The following SMC2 variants were observed in gnomAD, a reference collection of about 807,000 sequenced individuals.
SMC2 encodes structural maintenance of chromosomes 2, also known as structural maintenance of chromosomes protein 2.
In SMC2, 41 loss-of-function variants were observed where a neutral mutation model predicts 142.6. The ratio of observed to expected loss-of-function variants is 0.29; its 90% CI spans 0.22 to 0.37. The LOEUF (loss-of-function observed/expected upper bound fraction) is 0.37. Among genes scored for constraint, SMC2 ranks in the 10% least tolerant of loss-of-function variants. The pLI, the probability that SMC2 is intolerant of heterozygous loss-of-function variation, is 1.00. For synonymous variants in SMC2, 463 were observed against 457.5 expected (o/e 1.01, Z -0.15); for missense variants, 1,265 against 1,373.7 (o/e 0.92, Z 1.25).
Position 104,124,952 on chromosome 9 carries a change from A to G in SMC2, c.2298A>G (p.Gln766=). The change falls in exon 18 of 25, where the codon CAA becomes CAG. Residue 766 remains glutamine (Q), a synonymous_variant. Coordinates refer to ENST00000374793, the MANE Select transcript of SMC2 (RefSeq NM_006444.3). ...CTTTGAAAAACACTAAAGAAATCCA[A>G]AGAAAAGCAGAAGAAAAATATGAAG... ...EETLKNTKEI[Q]RKAEEKYEVL... The G allele has an allele frequency of 6.3e-7, 1 of 1,596,930 alleles. No individual in the cohort carries two copies. Among genetic ancestry groups the G allele is most frequent in the Non-Finnish European group, 8.5e-7 (1 of 1,176,160 alleles).
At position 104,096,294 on chromosome 9, in the gene SMC2, G is replaced by A; in HGVS notation, c.315G>A (p.Arg105=). 1 of 1,613,944 alleles carries A rather than the reference G, an allele frequency of 6.2e-7. No homozygotes were observed. ...FEVHDEITVT[R]QVVIGGRNKY... is the part of the protein sequence containing the mutation. ...TTCATGATGAAATCACAGTAACAAG[G>A]CAGGTGAGTGGCAATTAAACCTTTG... Residue 105 remains arginine, a synonymous_variant, in exon 3 of 25, where the codon AGG becomes AGA. Transcript: ENST00000374793.
chr9:104,113,200 A>T, intron 10 of SMC2, 116 bp from the exon 11 acceptor site: 1 of 674,612 alleles, frequency 1.5e-6, no homozygotes, highest in Non-Finnish European at 2.3e-6. Context: ...GAGACCAAAC[A>T]ATTAAACTTT....
At position 104,140,690 on chromosome 9, in the gene SMC2, A is replaced by AT. The variant is rs1354223244; in HGVS notation, c.*1376dup. ...GAGGGGAGAGGAAATAATGCTGTAA[A>AT]TGTTGAGTTACAGAAAGTCCAATGT... On this transcript the variant is annotated 3_prime_UTR_variant, in exon 25 of 25. Coordinates refer to ENST00000374793, the MANE Select transcript of SMC2 (RefSeq NM_006444.3). The AT allele has an allele frequency of 6.6e-6, 1 of 152,492 alleles. No individual in the cohort carries two copies. Among genetic ancestry groups the AT allele is most frequent in the African/African-American group, 2.4e-5 (1 of 41,330 alleles). The allele number at this position is 152,492 out of a possible 1,614,324, so 9.4% of individuals were successfully genotyped here.
chr9:104,123,292 T>C (rs990335190), intron 17 of SMC2, 60 bp downstream of exon 17: 2 of 1,528,634 alleles, frequency 1.3e-6, no homozygotes, highest in Non-Finnish European at 1.8e-6. Context: ...TACCTTACTT[T>C]AGGTATCTTC....
chr9:104,112,635 C>T (rs751072473), intron 10 of SMC2, among the ~76,000 whole-genome samples: 7 of 152,086 alleles, frequency 4.6e-5, no homozygotes, highest in Non-Finnish European at 1.0e-4. Context: ...ACTCTACTCT[C>T]AGTTTGTCTA....
chr9:104,124,863 A>C (rs777334560), intron 17 of SMC2, 49 bp from the exon 18 acceptor site: 13 of 1,432,564 alleles, frequency 9.1e-6, no homozygotes, highest in Non-Finnish European at 1.2e-5. Flanking sequence ...TGAATTTGTC[A>C]ACCTTTACCA....
chr9:104,120,874 TAA>T (rs1479865135), intron 16 of SMC2, among the ~76,000 whole-genome samples: 38 of 152,190 alleles, frequency 2.5e-4, no homozygotes, highest in African/African-American at 9.2e-4. Context: ...GGGGATCAGA[TAA>T]ATATCCCTGC....
In SMC2 at chr9:104,123,130, T is replaced by C. The variant is rs749766716; in HGVS notation, c.2155T>C (p.Trp719Arg). ...AEKYRQLKQQ[W>R]EMKTEEADLL... ...AAGGTATCGCCAACTAAAACAGCAGTGGGAGATGAAAACTGAAGAGGCAGA... is the reference window on the plus strand; with the variant it reads ...AAGGTATCGCCAACTAAAACAGCAGCGGGAGATGAAAACTGAAGAGGCAGA... Residue 719 changes from tryptophan to arginine, a missense_variant, in exon 17 of 25, where the codon TGG becomes CGG. Trp to Arg is a moderately radical substitution (Grantham distance 101). Coordinates refer to ENST00000374793, the MANE Select transcript of SMC2 (RefSeq NM_006444.3). 5.0e-6 allele frequency: 8 copies of C among 1,612,170 alleles called. No homozygotes were observed. The Admixed American group carries it at 6.7e-5, about 13-fold the overall frequency.
chr9:104,101,408 G>A (rs1447774135), intron 7 of SMC2, among the ~76,000 whole-genome samples: 5 of 152,120 alleles, frequency 3.3e-5, no homozygotes, highest in African/African-American at 1.2e-4. Flanking sequence ...CACTAGATCA[G>A]GAATTTAAAC....
At chr9:104,089,431 G>C (rs1829961034), upstream of SMC2, among the ~76,000 whole-genome samples, 2 of 152,076 alleles carry the variant, frequency 1.3e-5, no homozygotes, top group Admixed American at 1.3e-4. Flanking sequence ...AGTAACAATG[G>C]ACCACCATGC....
At chr9:104,093,739 C>G (rs4742900), upstream of SMC2, among the ~76,000 whole-genome samples, 49,332 of 152,010 alleles carry the variant, frequency 0.32, 8,827 homozygotes, top group East Asian at 0.76. Context: ...CAGATAAAAA[C>G]GCTCCCCGAG....
At chr9:104,131,779 T>C (rs1334782730) in intron 21 of SMC2, among the ~76,000 whole-genome samples, 1 of 152,044 alleles carries the variant, frequency 6.6e-6, no homozygotes, top group African/African-American at 2.4e-5. Flanking sequence ...TGGATGATTT[T>C]ATTCCTAATT....
chr9:104,140,063 T>G lies in SMC2; in HGVS notation c.*748T>G, dbSNP rs1265041774. The G allele has an allele frequency of 6.6e-6, 1 of 152,126 alleles. No individual in the cohort carries two copies. The highest frequency in any genetic ancestry group is 1.5e-5 in the Non-Finnish European group (1 of 67,998). 9.4% of individuals were successfully genotyped at this position (152,126 alleles called of 1,614,324 possible). A position where few individuals can be genotyped will look rare whatever the true frequency, so the allele number is the denominator to read the frequency against. On this transcript the variant is annotated 3_prime_UTR_variant, in exon 25 of 25. Coordinates refer to ENST00000374793, the MANE Select transcript of SMC2 (RefSeq NM_006444.3). ...TTAGGAGGTGTGTTGCGTGGTACTA[T>G]CTGCTGCAAATTTATCTGAAGTTTG... is the stretch of plus-strand genomic sequence containing the variant.
intron 23 of SMC2, chr9:104,135,775 A>T: frequency 2.0e-6 from 1 of 507,870 alleles, no homozygotes. Flanking sequence ...GAAGTCTGGA[A>T]CATCCGTAAA....
chr9:104,100,561 G>GATC, intron 7 of SMC2, 128 bp downstream of exon 7: 2 of 609,272 alleles, frequency 3.3e-6, no homozygotes, highest in Non-Finnish European at 5.8e-6. Flanking sequence ...AGGAATTAGA[G>GATC]TTGGCACTCC....
In SMC2 at chr9:104,098,087, A is replaced by G. The variant is rs539356917; in HGVS notation, c.319-359A>G. Among the ~76,000 whole-genome samples the G allele has an allele frequency of 2.0e-5, 3 of 152,362 alleles. No individual in the cohort carries two copies. The East Asian group carries it at 5.8e-4, about 29-fold the overall frequency. On this transcript the variant is annotated intron_variant, in intron 3 of 24. Coordinates refer to ENST00000374793, the MANE Select transcript of SMC2 (RefSeq NM_006444.3). ...TTTGTCTGACATCTATTCCTGTTGA[A>G]AAGTAGAGAAAGCCTCTAGAAAAAT...
chr9:104,116,947 GTTTT>G (rs995209926), intron 14 of SMC2, among the ~76,000 whole-genome samples: 2 of 152,146 alleles, frequency 1.3e-5, no homozygotes, highest in African/African-American at 4.8e-5. Flanking sequence ...TGTAATATCA[GTTTT>G]TTTATTGATC....
At chr9:104,111,434 C>A in intron 9 of SMC2, 147 bp from the exon 10 acceptor site, 1 of 562,934 alleles carries the variant, frequency 1.8e-6, no homozygotes, top group Non-Finnish European at 3.1e-6. Context: ...AATGATAATT[C>A]AGTATTTATA....
chr9:104,096,096 T>C, intron 2 of SMC2, 52 bp from the exon 3 acceptor site: 1 of 1,564,444 alleles, frequency 6.4e-7, no homozygotes, highest in South Asian at 1.1e-5. Flanking sequence ...TTAGTGCTGC[T>C]TTGTACGGTA....
Sources: gnomAD v4.1 joint callset for allele counts (sites outside exome capture counted in the v4.1 genomes callset) on GRCh38, gnomAD v4.1.1 for gene constraint, MANE v1.5 for transcripts, NCBI Gene and HGNC (gene_info 2026-07-23, HGNC 2026-07-21) for gene names.